The following YEATS4 variants were observed in gnomAD, a reference collection of about 807,000 sequenced individuals.
YEATS4 encodes YEATS domain-containing protein 4.
Under a neutral mutation model 30.1 loss-of-function variants are expected in YEATS4, and 17 were observed. The ratio of observed to expected loss-of-function variants is 0.56; its 90% CI spans 0.39 to 0.85. YEATS4 has a LOEUF of 0.85. Ranked by LOEUF, YEATS4 falls within the 40% of genes least tolerant of loss-of-function variation. The pLI, the probability that YEATS4 is intolerant of heterozygous loss-of-function variation, is 0.00. For synonymous variants in YEATS4, 85 were observed against 87.5 expected (o/e 0.97, Z 0.16); for missense variants, 142 against 268.3 (o/e 0.53, Z 3.29).
Position 69,385,715 on chromosome 12 carries a change from A to G in YEATS4, c.515-4432A>G, listed in dbSNP as rs1876246640. Among the ~76,000 whole-genome samples, 4 of 152,326 alleles carry G rather than the reference A, an allele frequency of 2.6e-5. No individual in the cohort carries two copies. In the South Asian group the frequency reaches 8.3e-4, roughly 32 times the overall value. On this transcript the variant is annotated intron_variant, in intron 6 of 6. Transcript: ENST00000247843. The stretch of plus-strand genomic sequence containing the variant: ...GAGTATATTGGAAGTTTAAGCACTA[A>G]TGATCTAGCTTTTTAGTTGCTTCTT...
At chr12:69,389,265 C>T (rs1868287136) in intron 6 of YEATS4, among the ~76,000 whole-genome samples, 1 of 151,828 alleles carries the variant, frequency 6.6e-6, no homozygotes, top group Non-Finnish European at 1.5e-5. Flanking sequence ...GCCTGGGCAA[C>T]ACGGTGAAAC....
At chr12:69,399,271 A>G in the YEATS4 span, among the ~76,000 whole-genome samples, 1 of 152,234 alleles carries the variant, frequency 6.6e-6, no homozygotes, top group African/African-American at 2.4e-5. Context: ...ATATCTGACA[A>G]GAGTCGAGTA....
At chr12:69,421,032 T>C in the YEATS4 span, among the ~76,000 whole-genome samples, 586 of 152,262 alleles carry the variant, frequency 3.8e-3, 3 homozygotes, top group African/African-American at 0.013. Context: ...ATTTTGGTTT[T>C]TGTTTTGGGG....
chr12:69,373,851 A>T (rs1875738837), intron 6 of YEATS4, among the ~76,000 whole-genome samples: 1 of 152,236 alleles, frequency 6.6e-6, no homozygotes, highest in Non-Finnish European at 1.5e-5. Context: ...ATAGATATCC[A>T]GATTTCCTGG....
chr12:69,360,369 G>A (rs1290124293), intron 1 of YEATS4, among the ~76,000 whole-genome samples: 1 of 152,180 alleles, frequency 6.6e-6, no homozygotes, highest in Non-Finnish European at 1.5e-5. Context: ...TGGTGAAGCG[G>A]TGACGCCACC....
downstream of YEATS4, among the ~76,000 whole-genome samples, chr12:69,393,057 A>G (rs1868327593): frequency 1.3e-5 from 2 of 152,198 alleles, no homozygotes; most frequent in Admixed American, 1.3e-4. Flanking sequence ...TCTAGAAAAC[A>G]TTTCAGGTAC....
chr12:69,414,420 G>A, the YEATS4 span, among the ~76,000 whole-genome samples: 14 of 152,042 alleles, frequency 9.2e-5, no homozygotes, highest in Non-Finnish European at 1.6e-4. Context: ...TTGTAGATAC[G>A]GGGTCTCACT....
intron 2 of YEATS4, chr12:69,364,289 A>AG: frequency 3.1e-6 from 1 of 322,680 alleles, no homozygotes; most frequent in Non-Finnish European, 6.3e-6. Flanking sequence ...CCATCTCTAC[A>AG]GAAAAAAAAG....
the YEATS4 span, among the ~76,000 whole-genome samples, chr12:69,426,285 T>C: frequency 6.6e-6 from 1 of 152,148 alleles, no homozygotes; most frequent in African/African-American, 2.4e-5. Flanking sequence ...CTTGCCTCCA[T>C]CTTTGCTTTC....
intron 6 of YEATS4, among the ~76,000 whole-genome samples, chr12:69,385,436 T>C (rs1242634271): frequency 3.3e-5 from 5 of 152,210 alleles, no homozygotes; most frequent in Non-Finnish European, 7.3e-5. Flanking sequence ...TATTTAGTAA[T>C]AATAAAATGC....
At chr12:69,422,019 C>T in the YEATS4 span, among the ~76,000 whole-genome samples, 1 of 152,234 alleles carries the variant, frequency 6.6e-6, no homozygotes, top group African/African-American at 2.4e-5. Context: ...AAATGTAAGA[C>T]AGTGCAAGGG....
chr12:69,413,063 G>A, the YEATS4 span, among the ~76,000 whole-genome samples: 1 of 152,184 alleles, frequency 6.6e-6, no homozygotes, highest in African/African-American at 2.4e-5. Flanking sequence ...TGCACAGAAT[G>A]AACTAGAAAC....
At chr12:69,424,378 G>A in the YEATS4 span, among the ~76,000 whole-genome samples, 1 of 152,154 alleles carries the variant, frequency 6.6e-6, no homozygotes. Flanking sequence ...AATCTTCTGT[G>A]TGTCTCATTA....
the YEATS4 span, among the ~76,000 whole-genome samples, chr12:69,426,440 G>A: frequency 2.0e-5 from 3 of 152,016 alleles, no homozygotes; most frequent in Admixed American, 6.6e-5. Flanking sequence ...GCGCCATCTC[G>A]GCTCACTGCA....
the YEATS4 span, among the ~76,000 whole-genome samples, chr12:69,414,058 A>G: frequency 6.6e-6 from 1 of 152,004 alleles, no homozygotes; most frequent in Non-Finnish European, 1.5e-5. Flanking sequence ...AACTTCATCT[A>G]TCTACTCTCT....
chr12:69,414,239 C>T, the YEATS4 span, among the ~76,000 whole-genome samples: 1,360 of 152,180 alleles, frequency 8.9e-3, 20 homozygotes, highest in African/African-American at 0.032. Context: ...TTAATTTTAA[C>T]TTTTTAAAAG....
At chr12:69,388,050 T>TTTTTTA (rs576213926) in intron 6 of YEATS4, among the ~76,000 whole-genome samples, 12 of 50,280 alleles carry the variant, frequency 2.4e-4, no homozygotes, top group Non-Finnish European at 4.2e-4. Flanking sequence ...ATTTTTTTAT[T>TTTTTTA]TTTTTTATTT....
chr12:69,390,014 A>C, intron 6 of YEATS4, 133 bp from the exon 7 acceptor site: 1 of 672,364 alleles, frequency 1.5e-6, no homozygotes, highest in South Asian at 2.8e-5. Context: ...ACCCATGTTT[A>C]ATGTTGTAAT....
chr12:69,380,721 C>T (rs904231554), intron 6 of YEATS4, among the ~76,000 whole-genome samples: 2 of 152,154 alleles, frequency 1.3e-5, no homozygotes, highest in South Asian at 2.1e-4. Context: ...CAATATTTCA[C>T]GTAGGTTCTT....
Sources: gnomAD v4.1 joint callset for allele counts (sites outside exome capture counted in the v4.1 genomes callset) on GRCh38, gnomAD v4.1.1 for gene constraint, MANE v1.5 for transcripts, NCBI Gene and HGNC (gene_info 2026-07-23, HGNC 2026-07-21) for gene names.